Variants in FER1L6 observed in about 807,000 individuals in gnomAD.
FER1L6 encodes the protein fer-1 like family member 6, also known as fer-1-like protein 6.
Under a neutral mutation model 219.2 loss-of-function variants are expected in FER1L6, and 177 were observed. That is an observed-to-expected ratio of 0.81 (90% confidence interval 0.71 to 0.91). The LOEUF (loss-of-function observed/expected upper bound fraction) is 0.91. Ranked by LOEUF, FER1L6 falls within the 40% of genes least tolerant of loss-of-function variation. The pLI is 0.00. For synonymous variants in FER1L6, 768 were observed against 824.3 expected, an observed-to-expected ratio of 0.93 and a Z score of 1.17; for missense variants, 2,153 against 2,259.9, an observed-to-expected ratio of 0.95 and a Z score of 0.96.
chr8:123,868,944 G>A (rs1167926141), intron 1 of FER1L6, among the ~76,000 whole-genome samples: 1 of 152,124 alleles, frequency 6.6e-6, no homozygotes, highest in African/African-American at 2.4e-5. Flanking sequence ...AGACAGGTAG[G>A]GAGAGTTGTG....
intron 39 of FER1L6, among the ~76,000 whole-genome samples, chr8:124,106,881 T>C (rs1822798191): frequency 6.6e-6 from 1 of 152,162 alleles, no homozygotes. Context: ...CAAATATTTA[T>C]TGAATGAATC....
At chr8:123,881,526 AAAT>A (rs766488642) in intron 1 of FER1L6, among the ~76,000 whole-genome samples, 2 of 152,204 alleles carry the variant, frequency 1.3e-5, no homozygotes, top group Non-Finnish European at 2.9e-5. Context: ...TTTTTCCTCT[AAAT>A]AAGTGGGCCT....
chr8:124,105,469 T>C, intron 39 of FER1L6, among the ~76,000 whole-genome samples: 1 of 152,148 alleles, frequency 6.6e-6, no homozygotes. Flanking sequence ...CTTAATGCTG[T>C]GTAGACAATG....
intron 1 of FER1L6, among the ~76,000 whole-genome samples, chr8:123,943,875 C>T (rs1377500480): frequency 6.6e-6 from 1 of 151,938 alleles, no homozygotes; most frequent in East Asian, 1.9e-4. Context: ...TAGGCAAGTT[C>T]CCTAACCTCT....
At chr8:124,071,394 C>G in intron 30 of FER1L6, 112 bp from the exon 31 acceptor site, 1 of 1,412,288 alleles carries the variant, frequency 7.1e-7, no homozygotes, top group Admixed American at 1.9e-5. Context: ...AGCACCAAAC[C>G]AGGTCCTGCA....
chr8:124,098,148 G>A (rs1822391034), intron 37 of FER1L6, among the ~76,000 whole-genome samples: 1 of 152,178 alleles, frequency 6.6e-6, no homozygotes, highest in South Asian at 2.1e-4. Context: ...CTTATTCAGT[G>A]ACATTTGTCA....
At chr8:124,105,524 G>A (rs1047837695) in intron 39 of FER1L6, among the ~76,000 whole-genome samples, 3 of 152,156 alleles carry the variant, frequency 2.0e-5, no homozygotes, top group Non-Finnish European at 2.9e-5. Context: ...AGGCAGAGAT[G>A]TAAGAAAAAA....
intron 13 of FER1L6, among the ~76,000 whole-genome samples, chr8:124,003,770 A>C (rs1289461111): frequency 6.6e-6 from 1 of 152,034 alleles, no homozygotes; most frequent in Non-Finnish European, 1.5e-5. Context: ...CCCGGCCAGA[A>C]ACATAATTTT....
At chr8:124,093,576 A>G (rs1000245132) in intron 34 of FER1L6, among the ~76,000 whole-genome samples, 2 of 152,072 alleles carry the variant, frequency 1.3e-5, no homozygotes, top group African/African-American at 4.8e-5. Flanking sequence ...AAAAATATTT[A>G]TTCACAATAT....
chr8:124,097,992 T>G (rs2130971792), intron 37 of FER1L6, 109 bp downstream of exon 37: 1 of 574,422 alleles, frequency 1.7e-6, no homozygotes, highest in South Asian at 2.6e-5. Context: ...GCCCACAAAG[T>G]GAGCCATCTT....
chr8:123,985,270 G>T (rs565289888), intron 11 of FER1L6: 1 of 152,090 alleles, frequency 6.6e-6, no homozygotes, highest in Non-Finnish European at 1.5e-5. Context: ...GAACTCGAAG[G>T]TCCTTTTTAA....
chr8:123,891,002 C>T (rs1812640239), intron 1 of FER1L6, among the ~76,000 whole-genome samples: 1 of 150,816 alleles, frequency 6.6e-6, no homozygotes, highest in South Asian at 2.1e-4. Flanking sequence ...GAAAGATTCA[C>T]CTTGCCCTTA....
chr8:123,914,587 C>T (rs996345136), intron 1 of FER1L6, among the ~76,000 whole-genome samples: 1 of 152,202 alleles, frequency 6.6e-6, no homozygotes, highest in African/African-American at 2.4e-5. Context: ...ACTCAGAAGC[C>T]TGTGACCAGG....
rs552561833 is a variant in FER1L6 at position 124,052,216 on chromosome 8, T to C, written c.2874+2460T>C. 2.0e-5 allele frequency among the ~76,000 whole-genome samples: 3 copies of C among 152,288 alleles called. No homozygotes were observed. In the South Asian group the frequency reaches 6.2e-4, roughly 32 times the overall value. On this transcript the variant is annotated intron_variant, in intron 22 of 40. Coordinates refer to ENST00000522917, the MANE Select transcript of FER1L6 (RefSeq NM_001039112.2). ...TTGATTTTAGACTTTCAACGAGTGA[T>C]TTTAGGTCAAAACCAGCATTAAATA...
At chr8:124,079,286 A>C (rs1821427729) in intron 32 of FER1L6, among the ~76,000 whole-genome samples, 1 of 152,192 alleles carries the variant, frequency 6.6e-6, no homozygotes, top group Non-Finnish European at 1.5e-5. Context: ...CTGGAGCTTC[A>C]ACTTATCTTT....
At chr8:123,918,974 C>T (rs1813275568) in intron 1 of FER1L6, among the ~76,000 whole-genome samples, 1 of 152,152 alleles carries the variant, frequency 6.6e-6, no homozygotes, top group Admixed American at 6.5e-5. Flanking sequence ...CAGTGGTCAA[C>T]AGGAACTGCA....
chr8:123,943,266 T>C (rs545428664), intron 1 of FER1L6, among the ~76,000 whole-genome samples: 19 of 152,330 alleles, frequency 1.2e-4, no homozygotes, highest in African/African-American at 4.6e-4. Flanking sequence ...TATGTCTGGA[T>C]AGTGGCTGGA....
chr8:124,068,080 T>C (rs1820901126), intron 28 of FER1L6, among the ~76,000 whole-genome samples: 1 of 152,098 alleles, frequency 6.6e-6, no homozygotes, highest in South Asian at 2.1e-4. Context: ...GTAGAAACCG[T>C]AGAATAAAAA....
chr8:123,902,858 T>C (rs547447781), intron 1 of FER1L6, among the ~76,000 whole-genome samples: 28 of 152,328 alleles, frequency 1.8e-4, no homozygotes, highest in Non-Finnish European at 3.7e-4. Flanking sequence ...GTTGTTGTTG[T>C]TGTTTTTGCT....
Sources: gnomAD v4.1 joint callset for allele counts (sites outside exome capture counted in the v4.1 genomes callset) on GRCh38, gnomAD v4.1.1 for gene constraint, MANE v1.5 for transcripts, NCBI Gene and HGNC (gene_info 2026-07-23, HGNC 2026-07-21) for gene names.